NUBPL: variants seen among roughly 807,000 people sequenced by gnomAD.
NUBPL encodes iron-sulfur cluster transfer protein NUBPL.
In NUBPL, 31 loss-of-function variants were observed where a neutral mutation model predicts 45.7. That is an observed-to-expected ratio of 0.68 (90% CI 0.51 to 0.92). NUBPL has a LOEUF of 0.92. NUBPL is among the 40% of genes least tolerant of loss of function. The pLI, the probability that NUBPL is intolerant of heterozygous loss-of-function variation, is 0.00. For missense variants in NUBPL, 401 were observed against 398.7 expected (o/e 1.01, Z -0.05); for synonymous variants, 144 against 140.9 (o/e 1.02, Z -0.15).
intron 4 of NUBPL, among the ~76,000 whole-genome samples, chr14:31,672,486 C>G (rs565445817): frequency 2.0e-5 from 3 of 151,918 alleles, no homozygotes; most frequent in South Asian, 2.1e-4. Flanking sequence ...TTTTTTGAGA[C>G]AGAGTCTTGT....
At chr14:31,631,815 A>C (rs547598210) in intron 4 of NUBPL, among the ~76,000 whole-genome samples, 1 of 151,926 alleles carries the variant, frequency 6.6e-6, no homozygotes, top group East Asian at 1.9e-4. Flanking sequence ...GCCCACCCAC[A>C]TGAAGGCGGG....
chr14:31,835,705 A>G (rs921799948), intron 8 of NUBPL, among the ~76,000 whole-genome samples: 5 of 151,546 alleles, frequency 3.3e-5, no homozygotes, highest in Non-Finnish European at 4.4e-5. Context: ...CCCCCCATTC[A>G]TTGTTCTTTC....
chr14:31,732,866 C>T (rs543150275), intron 6 of NUBPL, among the ~76,000 whole-genome samples: 1 of 152,186 alleles, frequency 6.6e-6, no homozygotes, highest in Admixed American at 6.5e-5. Flanking sequence ...CCCACCTCGG[C>T]CTCCCAAAGT....
At chr14:31,582,694 A>G (rs2033896085) in intron 3 of NUBPL, among the ~76,000 whole-genome samples, 1 of 152,166 alleles carries the variant, frequency 6.6e-6, no homozygotes, top group South Asian at 2.1e-4. Flanking sequence ...TACAATGGTC[A>G]TACCACAGAG....
intron 6 of NUBPL, among the ~76,000 whole-genome samples, chr14:31,782,438 C>T (rs1195339811): frequency 6.6e-6 from 1 of 151,612 alleles, no homozygotes; most frequent in Non-Finnish European, 1.5e-5. Context: ...TGGCACAGTT[C>T]ATTTGAAGAA....
intron 4 of NUBPL, among the ~76,000 whole-genome samples, chr14:31,638,025 G>T (rs1305690650): frequency 6.6e-6 from 1 of 152,122 alleles, no homozygotes; most frequent in Non-Finnish European, 1.5e-5. Flanking sequence ...ACACGGATGG[G>T]TCTTGACTCT....
At chr14:31,856,440 A>G (rs1367614307) in intron 10 of NUBPL, among the ~76,000 whole-genome samples, 1 of 152,150 alleles carries the variant, frequency 6.6e-6, no homozygotes, top group East Asian at 1.9e-4. Flanking sequence ...CCCAAATCAC[A>G]TGTCCTCACA....
intron 6 of NUBPL, among the ~76,000 whole-genome samples, chr14:31,714,019 C>G (rs1440178962): frequency 6.6e-6 from 1 of 152,110 alleles, no homozygotes; most frequent in Non-Finnish European, 1.5e-5. Flanking sequence ...AGAAACTATT[C>G]CCAGCCCCTG....
At chr14:31,653,964 G>A (rs2036077675) in intron 4 of NUBPL, 3 of 369,068 alleles carry the variant, frequency 8.1e-6, no homozygotes, top group Non-Finnish European at 1.7e-5. Flanking sequence ...TGTGTGGTTA[G>A]TATCTGTCTC....
intron 4 of NUBPL, among the ~76,000 whole-genome samples, chr14:31,620,999 AG>A (rs1205245623): frequency 3.3e-5 from 5 of 152,236 alleles, no homozygotes; most frequent in Admixed American, 1.3e-4. Context: ...AGGAATCTAG[AG>A]GGGCAGTATG....
At chr14:31,561,703 G>A (rs1413988988) in intron 1 of NUBPL, 156 bp downstream of exon 1, 5 of 563,498 alleles carry the variant, frequency 8.9e-6, no homozygotes, top group South Asian at 2.8e-5. Flanking sequence ...CCCAGGCTGA[G>A]GCGTGGCGGG....
intron 6 of NUBPL, among the ~76,000 whole-genome samples, chr14:31,754,003 G>T (rs1595583291): frequency 6.6e-6 from 1 of 152,078 alleles, no homozygotes; most frequent in South Asian, 2.1e-4. Flanking sequence ...AGAGATAATA[G>T]ATATATTAAT....
rs185824116 is a variant in NUBPL at position 31,690,126 on chromosome 14, A to C, written c.513+16552A>C. ...ATGCCACAGAGGACACTTATTAGTAAGGAAGAGAAGTGAGCACCAGGATTT... is the reference window on the plus strand; with the variant it reads ...ATGCCACAGAGGACACTTATTAGTACGGAAGAGAAGTGAGCACCAGGATTT... On this transcript the variant is annotated intron_variant, in intron 6 of 10. Coordinates refer to ENST00000281081, the MANE Select transcript of NUBPL (RefSeq NM_025152.3). Among the ~76,000 whole-genome samples the C allele has an allele frequency of 1.3e-3, 202 of 151,744 alleles. 2 individuals carry two copies. The highest frequency in any genetic ancestry group is 8.8e-4 in the Non-Finnish European group (60 of 67,918).
chr14:31,850,281 G>A, intron 10 of NUBPL, 80 bp downstream of exon 10: 1 of 1,135,712 alleles, frequency 8.8e-7, no homozygotes. Flanking sequence ...GGAAGATTAA[G>A]CGTTTATATT....
intron 6 of NUBPL, among the ~76,000 whole-genome samples, chr14:31,758,700 T>C (rs2038729718): frequency 1.3e-5 from 2 of 152,142 alleles, no homozygotes; most frequent in Admixed American, 1.3e-4. Flanking sequence ...ATAGAAGAGA[T>C]GAGACCATAA....
At chr14:31,792,248 T>G (rs2039395740) in intron 7 of NUBPL, among the ~76,000 whole-genome samples, 1 of 152,142 alleles carries the variant, frequency 6.6e-6, no homozygotes. Context: ...AAAAATAAAT[T>G]TATCTGTGAA....
chr14:31,566,198 T>A lies in NUBPL; in HGVS notation c.291+1150T>A, dbSNP rs1340705211. On this transcript the variant is annotated intron_variant, in intron 3 of 10. Coordinates refer to ENST00000281081, the MANE Select transcript of NUBPL (RefSeq NM_025152.3). ...AATATGTGGTATCTCTGTAAGTATG[T>A]TATCAGTATATGGAGTCCAGAATCT... Among the ~76,000 whole-genome samples the A allele has an allele frequency of 8.5e-5, 13 of 152,266 alleles. No homozygotes were observed. In the East Asian group the frequency reaches 2.5e-3, roughly 29 times the overall value.
In NUBPL at chr14:31,850,015, C is replaced by G. The variant is rs1297968908; in HGVS notation, c.815-104C>G. 3.4e-5 allele frequency: 27 copies of G among 803,230 alleles called. No individual in the cohort carries two copies. The African/African-American group carries it at 4.1e-4, about 12-fold the overall frequency. 49.8% of individuals were successfully genotyped at this position (803,230 alleles called of 1,614,324 possible). The stretch of plus-strand genomic sequence containing the variant: ...CAATTAGAAGATAGTCAATTTGAAT[C>G]AATTTAGTTCCGATTTTGTTTCTTT... On this transcript the variant is annotated intron_variant, in intron 9 of 10. Transcript: ENST00000281081.
chr14:31,587,551 A>T (rs1189290072), intron 3 of NUBPL, among the ~76,000 whole-genome samples: 1 of 152,222 alleles, frequency 6.6e-6, no homozygotes, highest in Non-Finnish European at 1.5e-5. Flanking sequence ...AACTACAACA[A>T]AAAGAAAAGA....
Sources: gnomAD v4.1 joint callset for allele counts (sites outside exome capture counted in the v4.1 genomes callset) on GRCh38, gnomAD v4.1.1 for gene constraint, MANE v1.5 for transcripts, NCBI Gene and HGNC (gene_info 2026-07-23, HGNC 2026-07-21) for gene names.